The following DRC11 variants were observed in gnomAD, a reference collection of about 807,000 sequenced individuals.
DRC11 encodes the protein dynein regulatory complex subunit 11.
chr2:236,384,075 T>A, the DRC11 span, among the ~76,000 whole-genome samples: 1 of 152,118 alleles, frequency 6.6e-6, no homozygotes, highest in African/African-American at 2.4e-5. Flanking sequence ...TGTTGGACAT[T>A]TGGGTTGGTT....
the DRC11 span, chr2:236,331,519 G>C: frequency 6.8e-6 from 11 of 1,614,018 alleles, no homozygotes; most frequent in Non-Finnish European, 9.3e-6. The surrounding 1 kb of genome is among the most constrained non-coding windows in gnomAD (Gnocchi z 4.8). Flanking sequence ...GAAGCCGTCA[G>C]TGACCTTCGC....
chr2:236,492,048 G>T, the DRC11 span, among the ~76,000 whole-genome samples: 1 of 152,180 alleles, frequency 6.6e-6, no homozygotes, highest in African/African-American at 2.4e-5. Flanking sequence ...CTCTTACTAT[G>T]TGATTCCTTC....
the DRC11 span, among the ~76,000 whole-genome samples, chr2:236,450,207 T>C: frequency 6.6e-6 from 1 of 152,106 alleles, no homozygotes; most frequent in African/African-American, 2.4e-5. Flanking sequence ...TACAGTGGAA[T>C]GGGTCCAATT....
At chr2:236,394,688 G>A in the DRC11 span, among the ~76,000 whole-genome samples, 1 of 152,152 alleles carries the variant, frequency 6.6e-6, no homozygotes, top group Non-Finnish European at 1.5e-5. The surrounding 1 kb of genome is among the most constrained non-coding windows in gnomAD (Gnocchi z 7.0). Flanking sequence ...GCACAGAAGG[G>A]GCAGAAGGGG....
the DRC11 span, among the ~76,000 whole-genome samples, chr2:236,487,467 C>T: frequency 3.9e-5 from 6 of 151,972 alleles, no homozygotes; most frequent in African/African-American, 1.5e-4. Context: ...ATCACCTTGC[C>T]ATCTGCTGTG....
chr2:236,448,314 T>C, the DRC11 span, among the ~76,000 whole-genome samples: 1 of 152,214 alleles, frequency 6.6e-6, no homozygotes, highest in Non-Finnish European at 1.5e-5. This position sits in a 1 kb window ranked among gnomAD's most constrained non-coding sequence, Gnocchi z 5.3. Context: ...CTCTCTGATA[T>C]GATGGCATTT....
At chr2:236,459,601 A>ATGTATACGTATATACGTATATACATACG in the DRC11 span, among the ~76,000 whole-genome samples, 38 of 121,546 alleles carry the variant, frequency 3.1e-4, no homozygotes, top group African/African-American at 1.1e-3. Context: ...ATACGTATAC[A>ATGTATACGTATATACGTATATACATACG]TATATACGTA....
At chr2:236,356,500 C>T in the DRC11 span, among the ~76,000 whole-genome samples, 105 of 151,816 alleles carry the variant, frequency 6.9e-4, no homozygotes, top group African/African-American at 2.2e-3. Context: ...TGGGGGGCCA[C>T]GCGACGGTCT....
At chr2:236,356,969 T>G in the DRC11 span, among the ~76,000 whole-genome samples, 1 of 88,916 alleles carries the variant, frequency 1.1e-5, no homozygotes, top group South Asian at 2.7e-4. Flanking sequence ...AATATATATA[T>G]TATATATTCA....
the DRC11 span, among the ~76,000 whole-genome samples, chr2:236,412,032 A>T: frequency 1.3e-5 from 2 of 151,950 alleles, no homozygotes; most frequent in Non-Finnish European, 2.9e-5. Context: ...TGTACCCTAA[A>T]ACTTAAAGTA....
chr2:236,321,267 A>G, the DRC11 span, among the ~76,000 whole-genome samples: 11 of 152,354 alleles, frequency 7.2e-5, no homozygotes, highest in African/African-American at 2.6e-4. Flanking sequence ...GTCAGAGTGG[A>G]CTGATTAAAT....
chr2:236,311,189 G>A, the DRC11 span, among the ~76,000 whole-genome samples: 3 of 152,214 alleles, frequency 2.0e-5, no homozygotes, highest in Admixed American at 6.5e-5. The surrounding 1 kb of genome is among the most constrained non-coding windows in gnomAD (Gnocchi z 6.9). Flanking sequence ...AGGCCTCACT[G>A]CCTCTCAATG....
At chr2:236,339,463 C>T in the DRC11 span, among the ~76,000 whole-genome samples, 1 of 152,100 alleles carries the variant, frequency 6.6e-6, no homozygotes, top group Non-Finnish European at 1.5e-5. Context: ...CTTTTGGTGT[C>T]ATATCTAAGG....
At chr2:236,436,771 A>G in the DRC11 span, among the ~76,000 whole-genome samples, 2 of 152,178 alleles carry the variant, frequency 1.3e-5, no homozygotes, top group Non-Finnish European at 2.9e-5. Flanking sequence ...GTTGACTTAT[A>G]TAAAGTGCTT....
At chr2:236,383,146 G>A in the DRC11 span, among the ~76,000 whole-genome samples, 2 of 152,068 alleles carry the variant, frequency 1.3e-5, no homozygotes, top group African/African-American at 4.8e-5. Context: ...TTGGTGTGTT[G>A]AAGCTTTCTA....
the DRC11 span, among the ~76,000 whole-genome samples, chr2:236,445,359 G>A: frequency 6.6e-6 from 1 of 152,060 alleles, no homozygotes; most frequent in Non-Finnish European, 1.5e-5. This position sits in a 1 kb window ranked among gnomAD's most constrained non-coding sequence, Gnocchi z 4.8. Context: ...TTTAGACAGA[G>A]TCTTGCTCTG....
the DRC11 span, among the ~76,000 whole-genome samples, chr2:236,484,897 C>T: frequency 1.3e-5 from 2 of 152,214 alleles, no homozygotes; most frequent in Admixed American, 1.3e-4. Flanking sequence ...TCCCGACCTG[C>T]GTCGTGATCT....
At chr2:236,354,625 G>A in the DRC11 span, among the ~76,000 whole-genome samples, 5 of 152,110 alleles carry the variant, frequency 3.3e-5, no homozygotes, top group African/African-American at 1.2e-4. Context: ...CCCCCACCCC[G>A]AGTGTTTCTG....
At chr2:236,322,335 C>T in the DRC11 span, among the ~76,000 whole-genome samples, 7 of 149,974 alleles carry the variant, frequency 4.7e-5, no homozygotes, top group African/African-American at 1.2e-4. Flanking sequence ...CCCGGGTTCA[C>T]GCCATTCTCC....
Sources: allele counts gnomAD v4.1 joint callset (sites outside exome capture counted in the v4.1 genomes callset), GRCh38; gene constraint gnomAD v4.1.1; non-coding constraint Gnocchi (gnomAD v3.1); transcripts MANE v1.5; gene names NCBI Gene and HGNC (gene_info 2026-07-23, HGNC 2026-07-21).